NUAK1: variants seen among roughly 807,000 people sequenced by gnomAD.
The protein encoded by NUAK1 is NUAK family kinase 1.
In NUAK1, 26 loss-of-function variants were observed where a neutral mutation model predicts 56.9. The observed-to-expected ratio is 0.46, with a 90% CI of 0.33 to 0.63. The LOEUF is 0.63. Among genes scored for constraint, NUAK1 ranks in the 30% least tolerant of loss-of-function variants. The pLI is 0.02. For synonymous variants in NUAK1, 337 were observed against 336.0 expected (o/e 1.00, Z -0.03); for missense variants, 727 against 876.1 (o/e 0.83, Z 2.15).
chr12:106,119,530 C>A (rs1470691635), intron 1 of NUAK1, among the ~76,000 whole-genome samples: 1 of 152,184 alleles, frequency 6.6e-6, no homozygotes, highest in East Asian at 1.9e-4. Context: ...GGAAAGCTTA[C>A]TCACAGAAAA....
Position 106,138,330 on chromosome 12 carries a change from G to T in NUAK1, c.240+84C>A. 1.3e-6 allele frequency: 2 copies of T among 1,493,402 alleles called. No individual in the cohort carries two copies. The highest frequency in any genetic ancestry group is 8.9e-7 in the Non-Finnish European group (1 of 1,127,464). 92.5% of individuals were successfully genotyped at this position (1,493,402 alleles called of 1,614,324 possible). A position where few individuals can be genotyped will look rare whatever the true frequency, so the allele number is the denominator to read the frequency against. On this transcript the variant is annotated intron_variant, in intron 1 of 6. Coordinates refer to ENST00000261402, the MANE Select transcript of NUAK1 (RefSeq NM_014840.3). The surrounding 1 kb of genome is among the most constrained non-coding windows in gnomAD (Gnocchi z 5.0). ...CTCTCTGTCAAGAGAGCCCCAGGGCGCACAGACCCCCGCCTCGCACGCCCT... is the reference window on the plus strand; with the variant it reads ...CTCTCTGTCAAGAGAGCCCCAGGGCTCACAGACCCCCGCCTCGCACGCCCT...
chr12:106,106,475 C>T lies in NUAK1; in HGVS notation c.291G>A (p.Met97Ile). Residue 97 changes from methionine (M) to isoleucine (I), a missense_variant, in exon 2 of 7, where the codon ATG (methionine) becomes ATA (isoleucine). Coordinates refer to ENST00000261402, the MANE Select transcript of NUAK1 (RefSeq NM_014840.3). Reference protein sequence around the residue: ...RKDKIKDEQDMVHIRREIEIM... With the variant: ...RKDKIKDEQDIVHIRREIEIM... Reference sequence around the variant, plus strand: ...TCTCAATCTCTCGTCTGATGTGAACCATGTCTTGTTCATCCTTAATTTTGT... The same window carrying T: ...TCTCAATCTCTCGTCTGATGTGAACTATGTCTTGTTCATCCTTAATTTTGT... 1 of 1,611,680 alleles carries T rather than the reference C, an allele frequency of 6.2e-7. No homozygotes were observed.
At chr12:106,123,033 T>C (rs1044656880) in intron 1 of NUAK1, among the ~76,000 whole-genome samples, 27 of 152,220 alleles carry the variant, frequency 1.8e-4, no homozygotes, top group African/African-American at 6.5e-4. Flanking sequence ...TCTAGAAGTA[T>C]TTGTTCCATT....
chr12:106,082,936 G>A (rs1019826726), intron 4 of NUAK1, among the ~76,000 whole-genome samples: 28 of 152,206 alleles, frequency 1.8e-4, no homozygotes, highest in Non-Finnish European at 4.0e-4. Flanking sequence ...GCTCCTGCTG[G>A]TGCCGGGAGT....
intron 3 of NUAK1, among the ~76,000 whole-genome samples, chr12:106,085,270 T>C (rs1362331693): frequency 6.6e-6 from 1 of 152,226 alleles, no homozygotes; most frequent in African/African-American, 2.4e-5. Flanking sequence ...ACCTCTGTGG[T>C]GATTTACAAT....
At chr12:106,110,325 G>C (rs992818860) in intron 1 of NUAK1, among the ~76,000 whole-genome samples, 16 of 152,056 alleles carry the variant, frequency 1.1e-4, no homozygotes, top group Admixed American at 1.0e-3. Flanking sequence ...AACCTACCAA[G>C]TACCGGCTAC....
intron 2 of NUAK1, among the ~76,000 whole-genome samples, chr12:106,092,402 C>A (rs1423071387): frequency 6.6e-6 from 1 of 151,778 alleles, no homozygotes; most frequent in Non-Finnish European, 1.5e-5. Flanking sequence ...CCTGTAATCC[C>A]AGCTACTCAG....
intron 5 of NUAK1, 121 bp downstream of exon 5, chr12:106,072,603 G>A (rs144513630): frequency 6.2e-5 from 70 of 1,138,046 alleles, no homozygotes; most frequent in East Asian, 1.0e-4. Context: ...ATAAGGAAAC[G>A]TTTTCCTTGC....
chr12:106,102,521 T>G (rs1234890958), intron 2 of NUAK1, among the ~76,000 whole-genome samples: 1 of 152,172 alleles, frequency 6.6e-6, no homozygotes, highest in African/African-American at 2.4e-5. Context: ...GGCTAGTGGC[T>G]TCTGTGTTGG....
intron 2 of NUAK1, among the ~76,000 whole-genome samples, chr12:106,087,807 A>C (rs2436596): frequency 0.25 from 37,755 of 152,146 alleles, 4,932 homozygotes; most frequent in East Asian, 0.43. Context: ...GTTTGGCGTC[A>C]AAGATCAAGT....
chr12:106,117,187 C>T (rs1044367344), intron 1 of NUAK1, among the ~76,000 whole-genome samples: 1 of 152,216 alleles, frequency 6.6e-6, no homozygotes, highest in African/African-American at 2.4e-5. Flanking sequence ...CACCCTCTCC[C>T]ATGCCAACAG....
rs771843801 is a variant in NUAK1 at position 106,067,559 on chromosome 12, C to T, written c.1229G>A (p.Arg410His). The T allele has an allele frequency of 9.9e-6, 16 of 1,614,082 alleles. No individual in the cohort carries two copies. The highest frequency in any genetic ancestry group is 2.2e-5 in the East Asian group (1 of 44,888). The change falls in exon 7 of 7, where the codon CGC (arginine) becomes CAC (histidine). Residue 410 changes from arginine (R) to histidine (H), a missense_variant. By Grantham distance (29) the Arg-to-His change is conservative. Coordinates refer to ENST00000261402, the MANE Select transcript of NUAK1 (RefSeq NM_014840.3). The surrounding 1 kb of genome is among the most constrained non-coding windows in gnomAD (Gnocchi z 6.0). ...TTCAATGAAGCCAGTGCTGTGAGAG[C>T]GATGCTCGCTGTTGCTTCGCTTCTT... Reference protein sequence around the residue: ...ILKKRSNSEHRSHSTGFIEGV... With the variant: ...ILKKRSNSEHHSHSTGFIEGV...
In NUAK1 at chr12:106,065,935, A is replaced by AG. The variant is rs1455784824; in HGVS notation, c.*866dup. The AG allele has an allele frequency of 6.6e-6, 1 of 152,480 alleles. No individual in the cohort carries two copies. Among genetic ancestry groups the AG allele is most frequent in the African/African-American group, 2.4e-5 (1 of 41,430 alleles). 9.4% of individuals were successfully genotyped at this position (152,480 alleles called of 1,614,324 possible). A position where few individuals can be genotyped will look rare whatever the true frequency, so the allele number is the denominator to read the frequency against. ...ATCTTTCTCCCTGTCCACCCTCAAG[A>AG]GGTTGTGCTGTAGAGCAAGGCAGAC... On this transcript the variant is annotated 3_prime_UTR_variant, in exon 7 of 7. Coordinates refer to ENST00000261402, the MANE Select transcript of NUAK1 (RefSeq NM_014840.3).
chr12:106,077,938 A>T (rs2032480242), intron 4 of NUAK1, among the ~76,000 whole-genome samples: 3 of 152,254 alleles, frequency 2.0e-5, no homozygotes, highest in Admixed American at 2.0e-4. Flanking sequence ...AGCACACAGT[A>T]GGCCTTCAGT....
chr12:106,081,424 A>G (rs2032517198), intron 4 of NUAK1, among the ~76,000 whole-genome samples: 1 of 152,256 alleles, frequency 6.6e-6, no homozygotes. Context: ...GTATGTGTGC[A>G]TGCACACCCG....
chr12:106,112,560 C>T (rs2032872105), intron 1 of NUAK1, among the ~76,000 whole-genome samples: 1 of 152,162 alleles, frequency 6.6e-6, no homozygotes, highest in Non-Finnish European at 1.5e-5. Flanking sequence ...AATTAAATGA[C>T]CCCGGGCTCT....
intron 1 of NUAK1, among the ~76,000 whole-genome samples, chr12:106,134,282 A>T (rs1414895027): frequency 6.6e-6 from 1 of 152,242 alleles, no homozygotes; most frequent in Non-Finnish European, 1.5e-5. Context: ...ATGTGACGTC[A>T]ACACACCTCC....
At chr12:106,119,093 C>G (rs1301076273) in intron 1 of NUAK1, among the ~76,000 whole-genome samples, 2 of 152,110 alleles carry the variant, frequency 1.3e-5, no homozygotes, top group Non-Finnish European at 2.9e-5. Flanking sequence ...CTTCTTACTC[C>G]CTCAAAAAAG....
intron 2 of NUAK1, chr12:106,103,334 A>G (rs180767702): frequency 6.6e-6 from 1 of 152,268 alleles, no homozygotes; most frequent in East Asian, 1.9e-4. Flanking sequence ...CCAAAACACA[A>G]TAGTGTTCTC....
Sources: allele counts gnomAD v4.1 joint callset (sites outside exome capture counted in the v4.1 genomes callset), GRCh38; gene constraint gnomAD v4.1.1; non-coding constraint Gnocchi (gnomAD v3.1); transcripts MANE v1.5; gene names NCBI Gene and HGNC (gene_info 2026-07-23, HGNC 2026-07-21).